ZNF778: variants seen among roughly 807,000 people sequenced by gnomAD.
ZNF778 encodes zinc finger protein 778.
ZNF778 carries 37 observed loss-of-function variants against 23.9 expected under a neutral mutation model. The observed-to-expected ratio is 1.54, with a 90% CI of 1.19 to 2.03. The LOEUF (loss-of-function observed/expected upper bound fraction) is 2.03. Among genes scored for constraint, ZNF778 ranks in the 30% most tolerant of loss-of-function variants. The pLI is 0.00. For missense variants in ZNF778, 1,297 were observed against 934.4 expected (o/e 1.39, Z -5.06); for synonymous variants, 483 against 343.9 (o/e 1.40, Z -4.48).
rs375449537 is a variant in ZNF778 at position 89,227,713 on chromosome 16, A to T, written c.1425A>T (p.Lys475Asn). ...ATGTAAGGACTCACACTGGAGAGAA[A>T]CCATATGAATGTAAAGATTGTGGGA... ...TEHVRTHTGEKPYECKDCGKS... is the reference protein window; with the variant it reads ...TEHVRTHTGENPYECKDCGKS... Residue 475 changes from lysine to asparagine, a missense_variant, in exon 7 of 7, where the codon AAA (lysine) becomes AAT (asparagine). Physicochemically the swap from Lys to Asn is moderately conservative, Grantham distance 94. Coordinates refer to ENST00000433976, the MANE Select transcript of ZNF778 (RefSeq NM_001201407.2). 1.2e-6 allele frequency: 2 copies of T among 1,614,064 alleles called. No homozygotes were observed. The highest frequency in any genetic ancestry group is 2.7e-5 in the African/African-American group (2 of 74,926).
Position 89,237,071 on chromosome 16 carries a change from TA to T in ZNF778, c.*8520del, listed in dbSNP as rs56055092. The T allele has an allele frequency of 0.99, 147,908 of 149,844 alleles. 73,011 individuals are homozygous for T. The highest frequency in any genetic ancestry group is 1 in the Middle Eastern group (292 of 292). 9.3% of individuals were successfully genotyped at this position (149,844 alleles called of 1,614,324 possible). On this transcript the variant is annotated 3_prime_UTR_variant, in exon 7 of 7. Coordinates refer to ENST00000433976, the MANE Select transcript of ZNF778 (RefSeq NM_001201407.2). ...CTGGGTGACAGAGCAAGACTCTGTC[TA>T]AAAAAAAAAAGGACAATGAGATATA...
chr16:89,223,908 G>C (rs1451741777), intron 4 of ZNF778, among the ~76,000 whole-genome samples: 2 of 151,898 alleles, frequency 1.3e-5, no homozygotes, highest in African/African-American at 4.8e-5. Flanking sequence ...GGCCGGGCGC[G>C]GTGGCTCATG....
intron 3 of ZNF778, among the ~76,000 whole-genome samples, 167 bp from the exon 4 acceptor site, chr16:89,222,990 C>A (rs563248836): frequency 6.6e-6 from 1 of 151,966 alleles, no homozygotes; most frequent in Non-Finnish European, 1.5e-5. Context: ...TGGAGGAGAG[C>A]GACAGGGCGT....
Position 89,229,950 on chromosome 16 carries a change from G to A in ZNF778, c.*1388G>A. On this transcript the variant is annotated 3_prime_UTR_variant, in exon 7 of 7. Coordinates refer to ENST00000433976, the MANE Select transcript of ZNF778 (RefSeq NM_001201407.2). The stretch of plus-strand genomic sequence containing the variant: ...ATCCAGATGTGATTCTGTGAGCAGT[G>A]TAGGCTCTGGTTGGTTAGTCTTGAG... 2 of 983,048 alleles carry A rather than the reference G, an allele frequency of 2.0e-6. No homozygotes were observed. Among genetic ancestry groups the A allele is most frequent in the Non-Finnish European group, 2.4e-6 (2 of 827,956 alleles). 60.9% of individuals were successfully genotyped at this position (983,048 alleles called of 1,614,324 possible). A position where few individuals can be genotyped will look rare whatever the true frequency, so the allele number is the denominator to read the frequency against.
rs199800001 is a variant in ZNF778 at position 89,227,445 on chromosome 16, C to G, written c.1157C>G (p.Thr386Ser). The G allele has an allele frequency of 2.0e-5, 32 of 1,613,744 alleles. No homozygotes were observed. The highest frequency in any genetic ancestry group is 1.6e-4 in the Middle Eastern group (1 of 6,082). Reference protein sequence around the residue: ...GFYLLNEHGKTHTREKPFACV... With the variant: ...GFYLLNEHGKSHTREKPFACV... ...TATCTACTGAATGAGCATGGAAAAA[C>G]TCACACGAGGGAGAAGCCCTTTGCA... is the stretch of plus-strand genomic sequence containing the variant. Residue 386 changes from threonine to serine, a missense_variant, in exon 7 of 7, where the codon ACT (threonine) becomes AGT (serine). Transcript: ENST00000433976.
chr16:89,229,078 C>T lies in ZNF778; in HGVS notation c.*516C>T. On this transcript the variant is annotated 3_prime_UTR_variant, in exon 7 of 7. Transcript: ENST00000433976. ...AGACGTATTTTGAATCTTTATGATG[C>T]TGCACTGATCATTCTTGGAGTGAGG... 1.0e-6 allele frequency: 1 copy of T among 988,896 alleles called. No individual in the cohort carries two copies. Among genetic ancestry groups the T allele is most frequent in the Admixed American group, 6.0e-5 (1 of 16,766 alleles). The allele number at this position is 988,896 out of a possible 1,614,324, so 61.3% of individuals were successfully genotyped here.
At chr16:89,225,433 AT>A (rs1223407903) in intron 5 of ZNF778, 121 bp from the exon 6 acceptor site, 2 of 747,972 alleles carry the variant, frequency 2.7e-6, no homozygotes, top group African/African-American at 3.6e-5. Flanking sequence ...ATGATTCCAA[AT>A]TTTACACATA....
chr16:89,227,515 TA>T lies in ZNF778; in HGVS notation c.1229del (p.Asn410IlefsTer9). ...KYFRNSSCLN[N>X]HVRIHTGIKP... is the part of the protein sequence containing the mutation. ...ATTTTAGAAATTCCTCATGCCTTAATAATCATGTTCGAATTCACACTGGAAT... is the reference window on the plus strand; with the variant it reads ...ATTTTAGAAATTCCTCATGCCTTAATATCATGTTCGAATTCACACTGGAAT... On this transcript the variant is annotated frameshift_variant, in exon 7 of 7. Transcript: ENST00000433976. LOFTEE classifies it low-confidence loss of function (END_TRUNC). 13 of 1,614,028 alleles carry T rather than the reference TA, an allele frequency of 8.1e-6. No individual in the cohort carries two copies. The highest frequency in any genetic ancestry group is 1.1e-5 in the Non-Finnish European group (13 of 1,179,952).
rs995016180 is a variant in ZNF778 at position 89,234,174 on chromosome 16, C to T, written c.*5612C>T. On this transcript the variant is annotated 3_prime_UTR_variant, in exon 7 of 7. Coordinates refer to ENST00000433976, the MANE Select transcript of ZNF778 (RefSeq NM_001201407.2). ...TGTGTGTGTCACTCACTCACCTTGA[C>T]GAGTCCGCGTCTAGGCCCCACCAGT... 4.7e-5 allele frequency: 19 copies of T among 403,668 alleles called. No individual in the cohort carries two copies. The highest frequency in any genetic ancestry group is 2.1e-4 in the African/African-American group (10 of 48,706). 25.0% of individuals were successfully genotyped at this position (403,668 alleles called of 1,614,324 possible). A position where few individuals can be genotyped will look rare whatever the true frequency, so the allele number is the denominator to read the frequency against.
chr16:89,224,628 TAAAA>T (rs1010373980), intron 4 of ZNF778, 87 bp from the exon 5 acceptor site: 4 of 958,630 alleles, frequency 4.2e-6, no homozygotes, highest in Non-Finnish European at 4.8e-6. Flanking sequence ...CAAAAAATAA[TAAAA>T]AAAAGGAAAT....
rs759466577 is a variant in ZNF778, at chr16:89,228,448, A to T, written c.2160A>T (p.Leu720Phe). ...YNRFYLLKEH[L>F]KTYTEEQVFV... Reference sequence around the variant, plus strand: ...GGTTTTATCTACTAAAAGAACATTTAAAAACTTACACTGAAGAGCAGGTTT... The same window carrying T: ...GGTTTTATCTACTAAAAGAACATTTTAAAACTTACACTGAAGAGCAGGTTT... The change falls in exon 7 of 7, where the codon TTA (leucine) becomes TTT (phenylalanine). Residue 720 changes from leucine (L) to phenylalanine (F), a missense_variant. Transcript: ENST00000433976. 1.9e-6 allele frequency: 3 copies of T among 1,613,962 alleles called. No individual in the cohort carries two copies. In the South Asian group the frequency reaches 3.3e-5, roughly 18 times the overall value.
At position 89,230,162 on chromosome 16, in the gene ZNF778, C is replaced by T. The variant is rs55885245; in HGVS notation, c.*1600C>T. The T allele has an allele frequency of 0.029, 16,402 of 562,860 alleles. 1,226 individuals are homozygous for T. Among genetic ancestry groups the T allele is most frequent in the African/African-American group, 0.21 (10,372 of 48,538 alleles). 34.9% of individuals were successfully genotyped at this position (562,860 alleles called of 1,614,324 possible). On this transcript the variant is annotated 3_prime_UTR_variant, in exon 7 of 7. Transcript: ENST00000433976. ...ACAGCTCTACATTTTATGAAAATGC[C>T]CTTGTTCCTCTCCCATACCTGATCC...
intron 6 of ZNF778, 75 bp from the exon 7 acceptor site, chr16:89,226,619 C>T (rs1229260351): frequency 4.5e-6 from 6 of 1,321,204 alleles, no homozygotes; most frequent in Non-Finnish European, 5.2e-6. Flanking sequence ...CATCGTCATG[C>T]TCTGTCTTCA....
At chr16:89,219,548 A>C (rs2030712027) in intron 1 of ZNF778, among the ~76,000 whole-genome samples, 2 of 152,232 alleles carry the variant, frequency 1.3e-5, no homozygotes, top group African/African-American at 4.8e-5. Context: ...GTAAGTGGTC[A>C]GCTGCATAGA....
chr16:89,232,436 G>A lies in ZNF778; in HGVS notation c.*3874G>A. The stretch of plus-strand genomic sequence containing the variant: ...ATATGTAGCAACACAGACAGACTAA[G>A]ACACCAAGCATGATGGAAAACTGGG... On this transcript the variant is annotated 3_prime_UTR_variant, in exon 7 of 7. Coordinates refer to ENST00000433976, the MANE Select transcript of ZNF778 (RefSeq NM_001201407.2). 1 of 348,292 alleles carries A rather than the reference G, an allele frequency of 2.9e-6. No homozygotes were observed. The highest frequency in any genetic ancestry group is 2.5e-5 in the South Asian group (1 of 40,618). The allele number at this position is 348,292 out of a possible 1,614,324, so 21.6% of individuals were successfully genotyped here. A position where few individuals can be genotyped will look rare whatever the true frequency, so the allele number is the denominator to read the frequency against.
At position 89,235,994 on chromosome 16, in the gene ZNF778, TAA is replaced by T. The variant is rs55659257; in HGVS notation, c.*7449_*7450del. 0.89 allele frequency: 119,674 copies of T among 134,762 alleles called. 53,443 individuals carry two copies. The highest frequency in any genetic ancestry group is 0.95 in the Non-Finnish European group (60,914 of 64,070). The allele number at this position is 134,762 out of a possible 1,614,324, so 8.3% of individuals were successfully genotyped here. On this transcript the variant is annotated 3_prime_UTR_variant, in exon 7 of 7. Coordinates refer to ENST00000433976, the MANE Select transcript of ZNF778 (RefSeq NM_001201407.2). ...CAACACAGTGAAACCTCGTCTCTAG[TAA>T]AAAAAAAAAAAAAAAAGAAAAATAC... is the stretch of plus-strand genomic sequence containing the variant.
In ZNF778 at chr16:89,228,002, A is replaced by G; in HGVS notation, c.1714A>G (p.Asn572Asp). Residue 572 changes from asparagine (N) to aspartate (D), a missense_variant, in exon 7 of 7, where the codon AAT becomes GAT. Coordinates refer to ENST00000433976, the MANE Select transcript of ZNF778 (RefSeq NM_001201407.2). Reference protein sequence around the residue: ...ICTVCRKSFRNSSCLNKHIQI... With the variant: ...ICTVCRKSFRDSSCLNKHIQI... Reference sequence around the variant, plus strand: ...TACGGTATGCAGGAAATCCTTCAGAAATTCCTCGTGCCTGAATAAGCACAT... The same window carrying G: ...TACGGTATGCAGGAAATCCTTCAGAGATTCCTCGTGCCTGAATAAGCACAT... The G allele has an allele frequency of 6.3e-7, 1 of 1,589,300 alleles. No homozygotes were observed. The highest frequency in any genetic ancestry group is 1.1e-5 in the South Asian group (1 of 88,088).
In ZNF778 at chr16:89,235,756, A is replaced by T. The variant is rs906834756; in HGVS notation, c.*7194A>T. On this transcript the variant is annotated 3_prime_UTR_variant, in exon 7 of 7. Transcript: ENST00000433976. ...GGAAGAAAAGGAGAAAGTGTGATGT[A>T]GTAAAACCACTTGAAAAAATAATGA... 1 of 152,244 alleles carries T rather than the reference A, an allele frequency of 6.6e-6. No individual in the cohort carries two copies. The highest frequency in any genetic ancestry group is 2.4e-5 in the African/African-American group (1 of 41,460). 9.4% of individuals were successfully genotyped at this position (152,244 alleles called of 1,614,324 possible).
intron 5 of ZNF778, among the ~76,000 whole-genome samples, chr16:89,225,214 C>G (rs1055972812): frequency 7.0e-5 from 10 of 143,852 alleles, no homozygotes; most frequent in Non-Finnish European, 1.1e-4. Context: ...CTCCTGGGTT[C>G]ACTCAGTTCT....
Sources: allele counts gnomAD v4.1 joint callset (sites outside exome capture counted in the v4.1 genomes callset), GRCh38; gene constraint gnomAD v4.1.1; transcripts MANE v1.5; gene names NCBI Gene and HGNC (gene_info 2026-07-23, HGNC 2026-07-21).